Variants in GRIK2 observed in about 807,000 individuals in gnomAD.
GRIK2 encodes the protein glutamate receptor ionotropic, kainate 2.
GRIK2 carries 32 observed loss-of-function variants against 100.3 expected under a neutral mutation model. That is an observed-to-expected ratio of 0.32 (90% confidence interval 0.24 to 0.43). GRIK2 has a LOEUF of 0.43. Among genes scored for constraint, GRIK2 ranks in the 20% least tolerant of loss-of-function variants. GRIK2 has a pLI of 1.00. For synonymous variants in GRIK2, 417 were observed against 389.4 expected, an observed-to-expected ratio of 1.07 and a Z score of -0.83; for missense variants, 843 against 1,114.9, an observed-to-expected ratio of 0.76 and a Z score of 3.47.
intron 11 of GRIK2, among the ~76,000 whole-genome samples, chr6:101,876,255 T>C (rs541046072): frequency 2.0e-5 from 3 of 151,900 alleles, no homozygotes; most frequent in Non-Finnish European, 4.4e-5. Flanking sequence ...TGTACATTTT[T>C]CCTCCTTATA....
chr6:101,959,327 A>G (rs1449659808), intron 14 of GRIK2, among the ~76,000 whole-genome samples: 1 of 151,906 alleles, frequency 6.6e-6, no homozygotes, highest in East Asian at 1.9e-4. Flanking sequence ...TCTTCTTGTT[A>G]CAGTCTTAGG....
At chr6:101,774,447 A>G (rs987965976) in intron 7 of GRIK2, among the ~76,000 whole-genome samples, 21 of 152,202 alleles carry the variant, frequency 1.4e-4, no homozygotes, top group Admixed American at 5.9e-4. Flanking sequence ...AAAAGCGGAC[A>G]AGATTTAACA....
At chr6:101,878,096 TA>T (rs2128451986) in intron 11 of GRIK2, among the ~76,000 whole-genome samples, 1 of 140,784 alleles carries the variant, frequency 7.1e-6, no homozygotes, top group Admixed American at 7.0e-5. Context: ...TATATTATAT[TA>T]TATTATATTA....
intron 9 of GRIK2, among the ~76,000 whole-genome samples, chr6:101,813,350 T>G (rs949313788): frequency 6.6e-6 from 1 of 152,086 alleles, no homozygotes; most frequent in African/African-American, 2.4e-5. Flanking sequence ...ATATAATAGG[T>G]CTTCATTTAG....
intron 7 of GRIK2, among the ~76,000 whole-genome samples, chr6:101,773,913 A>T (rs7775085): frequency 0.21 from 31,382 of 152,092 alleles, 5,035 homozygotes; most frequent in East Asian, 0.65. Flanking sequence ...TACTACAATT[A>T]TTGTAGAGTA....
intron 15 of GRIK2, among the ~76,000 whole-genome samples, chr6:102,041,076 T>C (rs1161375559): frequency 1.3e-5 from 2 of 151,618 alleles, no homozygotes; most frequent in Non-Finnish European, 3.0e-5. Flanking sequence ...CTAGATTATA[T>C]GTCACTGAAA....
chr6:101,509,213 G>A (rs1454581054), intron 2 of GRIK2, among the ~76,000 whole-genome samples: 1 of 151,534 alleles, frequency 6.6e-6, no homozygotes. Flanking sequence ...GAGCTGTGAG[G>A]ATTAAATTTT....
At chr6:101,465,612 T>C (rs555026738) in intron 2 of GRIK2, among the ~76,000 whole-genome samples, 2 of 152,258 alleles carry the variant, frequency 1.3e-5, no homozygotes, top group South Asian at 2.1e-4. Context: ...TCTCACCCAG[T>C]AGATCTGCGG....
intron 2 of GRIK2, among the ~76,000 whole-genome samples, chr6:101,545,440 T>G (rs918853534): frequency 3.3e-5 from 5 of 152,206 alleles, no homozygotes; most frequent in Non-Finnish European, 7.4e-5. Context: ...TTTGGGAGTC[T>G]GTTTTCTCTT....
chr6:101,684,845 G>A (rs527422580), intron 6 of GRIK2, among the ~76,000 whole-genome samples: 30 of 151,884 alleles, frequency 2.0e-4, no homozygotes, highest in Admixed American at 1.6e-3. Context: ...AAATTGTTGA[G>A]ATTCTTCTTG....
At chr6:101,626,345 C>G (rs1398346712) in intron 3 of GRIK2, 35 bp from the exon 4 acceptor site, 3 of 1,575,130 alleles carry the variant, frequency 1.9e-6, no homozygotes, top group African/African-American at 2.7e-5. Context: ...GGCACCTCTC[C>G]TCTCATTATT....
intron 3 of GRIK2, among the ~76,000 whole-genome samples, chr6:101,622,352 T>C (rs1328342424): frequency 1.3e-5 from 2 of 152,118 alleles, no homozygotes; most frequent in Non-Finnish European, 2.9e-5. Context: ...ATTTTTTTTC[T>C]ATTGATCCTT....
intron 14 of GRIK2, among the ~76,000 whole-genome samples, chr6:102,033,012 T>C (rs1047861637): frequency 6.6e-6 from 1 of 151,246 alleles, no homozygotes; most frequent in Non-Finnish European, 1.5e-5. Context: ...AATCTTCCCA[T>C]GTTTGAGTCC....
intron 14 of GRIK2, among the ~76,000 whole-genome samples, chr6:101,983,834 C>G (rs1002374737): frequency 2.6e-5 from 4 of 151,484 alleles, no homozygotes; most frequent in Non-Finnish European, 4.4e-5. Context: ...TTTTGGAAAC[C>G]TTAGACTTCC....
At chr6:102,050,693 C>A (rs1326840577) in intron 15 of GRIK2, among the ~76,000 whole-genome samples, 32 of 99,888 alleles carry the variant, frequency 3.2e-4, no homozygotes, top group Middle Eastern at 5.9e-3. Context: ...AAAGAGAGTA[C>A]AGGAAAGGCA....
chr6:101,397,952 A>G (rs1775080730), intron 1 of GRIK2, among the ~76,000 whole-genome samples: 1 of 152,030 alleles, frequency 6.6e-6, no homozygotes. Context: ...TAGACAGAAT[A>G]TTACTTATTT....
At chr6:101,547,466 C>T (rs561839053) in intron 2 of GRIK2, among the ~76,000 whole-genome samples, 6 of 152,262 alleles carry the variant, frequency 3.9e-5, no homozygotes, top group Admixed American at 6.5e-5. Context: ...CTATCCTTCC[C>T]CACTCCCCCT....
intron 3 of GRIK2, among the ~76,000 whole-genome samples, chr6:101,624,789 TGG>T (rs1268385297): frequency 2.0e-5 from 3 of 151,996 alleles, no homozygotes; most frequent in African/African-American, 7.3e-5. Flanking sequence ...AGGCCAGGAG[TGG>T]CACCATCATG....
At chr6:101,817,751 A>T (rs1271175302) in intron 9 of GRIK2, among the ~76,000 whole-genome samples, 1 of 152,230 alleles carries the variant, frequency 6.6e-6, no homozygotes, top group Non-Finnish European at 1.5e-5. Context: ...TATTAAATGG[A>T]TCACAGAAGA....
Sources: gnomAD v4.1 joint callset for allele counts (sites outside exome capture counted in the v4.1 genomes callset) on GRCh38, gnomAD v4.1.1 for gene constraint, MANE v1.5 for transcripts, NCBI Gene and HGNC (gene_info 2026-07-23, HGNC 2026-07-21) for gene names.